DNALI1: variants seen among roughly 807,000 people sequenced by gnomAD.
The protein encoded by DNALI1 is dynein axonemal light intermediate chain 1.
DNALI1 carries 31 observed loss-of-function variants against 33.9 expected under a neutral mutation model. The ratio of observed to expected loss-of-function variants is 0.91; its 90% CI spans 0.69 to 1.23. The LOEUF (loss-of-function observed/expected upper bound fraction) is 1.23. Among genes scored for constraint, DNALI1 ranks in the 50% most tolerant of loss-of-function variants. The pLI, the probability that DNALI1 is intolerant of heterozygous loss-of-function variation, is 0.00. For missense variants in DNALI1, 305 were observed against 323.8 expected, an observed-to-expected ratio of 0.94 and a Z score of 0.44; for synonymous variants, 117 against 129.2, an observed-to-expected ratio of 0.91 and a Z score of 0.64.
rs41267319 is a variant in DNALI1, at chr1:37,566,480, C to A, written c.*1419C>A. 0.052 allele frequency: 9,068 copies of A among 174,220 alleles called. 336 individuals carry two copies. The highest frequency in any genetic ancestry group is 0.076 in the Non-Finnish European group (6,327 of 82,942). The allele number at this position is 174,220 out of a possible 1,614,324, so 10.8% of individuals were successfully genotyped here. A position where few individuals can be genotyped will look rare whatever the true frequency, so the allele number is the denominator to read the frequency against. ...TTCTCCTTGTATTTCAAAGGCCAGG[C>A]CATGTACACTAACGTCCTTGAAATT... On this transcript the variant is annotated 3_prime_UTR_variant, in exon 6 of 6. Coordinates refer to ENST00000652629, the MANE Select transcript of DNALI1 (RefSeq NM_003462.5).
In DNALI1 at chr1:37,562,390, G is replaced by A. The variant is rs1570040392; in HGVS notation, c.741+145G>A. 7 of 1,126,680 alleles carry A rather than the reference G, an allele frequency of 6.2e-6. No individual in the cohort carries two copies. The East Asian group carries it at 1.6e-4, about 25-fold the overall frequency. 69.8% of individuals were successfully genotyped at this position (1,126,680 alleles called of 1,614,324 possible). On this transcript the variant is annotated intron_variant, in intron 5 of 5. Coordinates refer to ENST00000652629, the MANE Select transcript of DNALI1 (RefSeq NM_003462.5). The surrounding 1 kb of genome is among the most constrained non-coding windows in gnomAD (Gnocchi z 5.8). Reference sequence around the variant, plus strand: ...ATAAAGGAAGCTGACTTTGGTGGTGGGAGAAGGGGAGGGCTCCAGAGGGGG... The same window carrying A: ...ATAAAGGAAGCTGACTTTGGTGGTGAGAGAAGGGGAGGGCTCCAGAGGGGG...
chr1:37,558,994 G>A (rs979793202), intron 2 of DNALI1, among the ~76,000 whole-genome samples: 52 of 152,188 alleles, frequency 3.4e-4, no homozygotes, highest in African/African-American at 1.2e-3. Context: ...TAAGTTGGTG[G>A]GTAGTTCCTA....
In DNALI1 at chr1:37,562,282, G is replaced by T. The variant is rs780891234; in HGVS notation, c.741+37G>T. 2 of 1,589,430 alleles carry T rather than the reference G, an allele frequency of 1.3e-6. No homozygotes were observed. The highest frequency in any genetic ancestry group is 1.7e-6 in the Non-Finnish European group (2 of 1,168,056). ...GCAGGGTGGGGTGGAGGTGCCCCCTGCCCTGCGACCCAGCCCCACAGGCCA... is the reference window on the plus strand; with the variant it reads ...GCAGGGTGGGGTGGAGGTGCCCCCTTCCCTGCGACCCAGCCCCACAGGCCA... On this transcript the variant is annotated intron_variant, in intron 5 of 5. Coordinates refer to ENST00000652629, the MANE Select transcript of DNALI1 (RefSeq NM_003462.5). The surrounding 1 kb of genome is among the most constrained non-coding windows in gnomAD (Gnocchi z 5.8).
rs558543758 is a variant in DNALI1 at position 37,561,920 on chromosome 1, CAG to C, written c.577-158_577-157del. ...ATGATGGCCAGCCTGGTGGTCTTGG[CAG>C]AGTTGTTTCCGCTGTAGACGCTCCA... On this transcript the variant is annotated intron_variant, in intron 4 of 5. Coordinates refer to ENST00000652629, the MANE Select transcript of DNALI1 (RefSeq NM_003462.5). This position sits in a 1 kb window ranked among gnomAD's most constrained non-coding sequence, Gnocchi z 4.6. 52 of 1,372,932 alleles carry C rather than the reference CAG, an allele frequency of 3.8e-5. No individual in the cohort carries two copies. In the South Asian group the frequency reaches 5.3e-4, roughly 14 times the overall value. 85.0% of individuals were successfully genotyped at this position (1,372,932 alleles called of 1,614,324 possible).
intron 5 of DNALI1, among the ~76,000 whole-genome samples, chr1:37,563,650 C>T (rs1643465528): frequency 6.6e-6 from 1 of 152,046 alleles, no homozygotes; most frequent in African/African-American, 2.4e-5. Context: ...GCCAGCACGC[C>T]CGGCAAATTT....
rs1246241307 is a variant in DNALI1 at position 37,566,751 on chromosome 1, C to A, written c.*1690C>A. ...TGGTGAAGGGCTTCAACTGTCAAACCTCAGAACAAATGCATTAGGGCCTTA... is the reference window on the plus strand; with the variant it reads ...TGGTGAAGGGCTTCAACTGTCAAACATCAGAACAAATGCATTAGGGCCTTA... On this transcript the variant is annotated 3_prime_UTR_variant, in exon 6 of 6. Transcript: ENST00000652629. 1.9e-6 allele frequency: 2 copies of A among 1,078,632 alleles called. No homozygotes were observed. The highest frequency in any genetic ancestry group is 2.7e-6 in the Non-Finnish European group (2 of 727,740). 66.8% of individuals were successfully genotyped at this position (1,078,632 alleles called of 1,614,324 possible). A position where few individuals can be genotyped will look rare whatever the true frequency, so the allele number is the denominator to read the frequency against.
In DNALI1 at chr1:37,561,916, T is replaced by C. The variant is rs1199635170; in HGVS notation, c.577-165T>C. 5.9e-6 allele frequency: 8 copies of C among 1,361,620 alleles called. No individual in the cohort carries two copies. In the East Asian group the frequency reaches 1.9e-4, roughly 33 times the overall value. The allele number at this position is 1,361,620 out of a possible 1,614,324, so 84.3% of individuals were successfully genotyped here. A position where few individuals can be genotyped will look rare whatever the true frequency, so the allele number is the denominator to read the frequency against. ...GAGTATGATGGCCAGCCTGGTGGTCTTGGCAGAGTTGTTTCCGCTGTAGAC... is the reference window on the plus strand; with the variant it reads ...GAGTATGATGGCCAGCCTGGTGGTCCTGGCAGAGTTGTTTCCGCTGTAGAC... On this transcript the variant is annotated intron_variant, in intron 4 of 5. Coordinates refer to ENST00000652629, the MANE Select transcript of DNALI1 (RefSeq NM_003462.5). The surrounding 1 kb of genome is among the most constrained non-coding windows in gnomAD (Gnocchi z 4.6).
Position 37,557,919 on chromosome 1 carries a change from C to T in DNALI1, c.227+171C>T, listed in dbSNP as rs1343488163. On this transcript the variant is annotated intron_variant, in intron 2 of 5. Coordinates refer to ENST00000652629, the MANE Select transcript of DNALI1 (RefSeq NM_003462.5). ...ATCCTGGCAGGGTGGTGGGAGACCT[C>T]TTCTCAATCTACCCTCATTTCCTGC... 4.8e-6 allele frequency: 4 copies of T among 830,622 alleles called. No individual in the cohort carries two copies. In the African/African-American group the frequency reaches 5.2e-5, roughly 11 times the overall value. 51.5% of individuals were successfully genotyped at this position (830,622 alleles called of 1,614,324 possible).
chr1:37,562,118 G>A lies in DNALI1; in HGVS notation c.614G>A (p.Arg205Lys), dbSNP rs1432695407. Residue 205 changes from arginine (R) to lysine (K), a missense_variant, in exon 5 of 6, where the codon AGG (arginine) becomes AAG (lysine). Transcript: ENST00000652629. This position sits in a 1 kb window ranked among gnomAD's most constrained non-coding sequence, Gnocchi z 5.8. ...GAGACGGAAAAGAGAGACCTGGAGA[G>A]GCAAGTGAACGAGCAGAAGGCAAAA... ...ELETEKRDLE[R>K]QVNEQKAKCE... The A allele has an allele frequency of 6.2e-7, 1 of 1,614,138 alleles. No homozygotes were observed. The highest frequency in any genetic ancestry group is 1.7e-5 in the Admixed American group (1 of 60,024).
Position 37,562,098 on chromosome 1 carries a change from G to T in DNALI1, c.594G>T (p.Thr198=). The T allele has an allele frequency of 6.2e-7, 1 of 1,614,000 alleles. No individual in the cohort carries two copies. Among genetic ancestry groups the T allele is most frequent in the Non-Finnish European group, 8.5e-7 (1 of 1,179,970 alleles). ...CTCCTCAGATCGCAGAATTGGAGAC[G>T]GAAAAGAGAGACCTGGAGAGGCAAG... ...DMERKIAELE[T]EKRDLERQVN... Residue 198 remains threonine (T), a synonymous_variant, in exon 5 of 6, where the codon ACG becomes ACT. Coordinates refer to ENST00000652629, the MANE Select transcript of DNALI1 (RefSeq NM_003462.5). The surrounding 1 kb of genome is among the most constrained non-coding windows in gnomAD (Gnocchi z 5.8).
At chr1:37,558,399 A>G (rs1643398086) in intron 2 of DNALI1, among the ~76,000 whole-genome samples, 1 of 152,150 alleles carries the variant, frequency 6.6e-6, no homozygotes, top group Non-Finnish European at 1.5e-5. Flanking sequence ...TCTATCCTCC[A>G]TACAGCCCCT....
In DNALI1 at chr1:37,556,951, A is replaced by T. The variant is rs982892705; in HGVS notation, c.-44A>T. 6.2e-7 allele frequency: 1 copy of T among 1,614,244 alleles called. No homozygotes were observed. Among genetic ancestry groups the T allele is most frequent in the South Asian group, 1.1e-5 (1 of 91,092 alleles). The stretch of plus-strand genomic sequence containing the variant: ...TCCATGGTGACGGCAAACAAGGCCC[A>T]CACTGGACAGGGCAGCTGCTGGGTT... On this transcript the variant is annotated 5_prime_UTR_variant, in exon 1 of 6. Transcript: ENST00000652629.
Position 37,559,488 on chromosome 1 carries a change from A to G in DNALI1, c.389A>G (p.Gln130Arg), listed in dbSNP as rs1472467437. The change falls in exon 3 of 6, where the codon CAG (glutamine) becomes CGG (arginine). Residue 130 changes from glutamine (Q) to arginine (R), a missense_variant. Transcript: ENST00000652629. This position sits in a 1 kb window ranked among gnomAD's most constrained non-coding sequence, Gnocchi z 5.3. ...ICPVRRELYS[Q>R]CFDELIREVT... ...CCTGTCCGCAGGGAACTCTACTCAC[A>G]GTGTTTTGGTGAGTGAGCCAGGTGA... 3.7e-6 allele frequency: 6 copies of G among 1,607,582 alleles called. No individual in the cohort carries two copies. Among genetic ancestry groups the G allele is most frequent in the Non-Finnish European group, 5.1e-6 (6 of 1,176,862 alleles).
At position 37,557,727 on chromosome 1, in the gene DNALI1, T is replaced by A. The variant is rs1390407287; in HGVS notation, c.206T>A (p.Leu69Ter). ...CCTACAAAGCAGGCAGAAGAAATCT[T>A]GAATGCCATACTACCCCCAAGGTAA... ...PDPTKQAEEI[L>*]NAILPPREWV... Residue 69 changes from leucine (L) to a stop codon, truncating the protein, a stop_gained, in exon 2 of 6, where the codon TTG (leucine) becomes TAG (stop). Transcript: ENST00000652629. LOFTEE classifies it high-confidence loss of function. 1.2e-6 allele frequency: 2 copies of A among 1,613,628 alleles called. No individual in the cohort carries two copies. The highest frequency in any genetic ancestry group is 1.7e-6 in the Non-Finnish European group (2 of 1,179,860).
rs1220567998 is a variant in DNALI1, at chr1:37,561,829, A to G, written c.576+94A>G. 1 of 1,493,238 alleles carries G rather than the reference A, an allele frequency of 6.7e-7. No homozygotes were observed. The highest frequency in any genetic ancestry group is 2.4e-5 in the East Asian group (1 of 41,424). The allele number at this position is 1,493,238 out of a possible 1,614,324, so 92.5% of individuals were successfully genotyped here. On this transcript the variant is annotated intron_variant, in intron 4 of 5. Coordinates refer to ENST00000652629, the MANE Select transcript of DNALI1 (RefSeq NM_003462.5). The surrounding 1 kb of genome is among the most constrained non-coding windows in gnomAD (Gnocchi z 4.6). ...TCCAGCACTACATTCTGACCTCCTAAGGTGCTCTGCTGACAGTCACGACAC... is the reference window on the plus strand; with the variant it reads ...TCCAGCACTACATTCTGACCTCCTAGGGTGCTCTGCTGACAGTCACGACAC...
At chr1:37,557,575 C>A (rs777318339) in intron 1 of DNALI1, 28 bp from the exon 2 acceptor site, 2 of 1,600,620 alleles carry the variant, frequency 1.2e-6, no homozygotes, top group Non-Finnish European at 1.7e-6. Flanking sequence ...TGAACAATTT[C>A]CTGCCCTCAC....
intron 5 of DNALI1, among the ~76,000 whole-genome samples, chr1:37,564,440 T>C (rs1643476066): frequency 6.6e-6 from 1 of 151,906 alleles, no homozygotes; most frequent in South Asian, 2.1e-4. Flanking sequence ...TGGAGTGCAG[T>C]GGCACGATCT....
At position 37,559,177 on chromosome 1, in the gene DNALI1, T is replaced by A; in HGVS notation, c.228-150T>A. On this transcript the variant is annotated intron_variant, in intron 2 of 5. Transcript: ENST00000652629. This position sits in a 1 kb window ranked among gnomAD's most constrained non-coding sequence, Gnocchi z 5.3. ...GCATAGTGGGTGTGGCTTTGGAGCC[T>A]CACACCCCAAGGGATGGAGGATTCT... 1.3e-6 allele frequency: 1 copy of A among 766,846 alleles called. No homozygotes were observed. Among genetic ancestry groups the A allele is most frequent in the Non-Finnish European group, 2.0e-6 (1 of 498,086 alleles). 47.5% of individuals were successfully genotyped at this position (766,846 alleles called of 1,614,324 possible). A position where few individuals can be genotyped will look rare whatever the true frequency, so the allele number is the denominator to read the frequency against.
chr1:37,560,605 T>C (rs1330280542), intron 3 of DNALI1: 1 of 152,176 alleles, frequency 6.6e-6, no homozygotes, highest in Non-Finnish European at 1.5e-5. Flanking sequence ...TGGAGTTTCT[T>C]GTGTCTTTCT....
Sources: gnomAD v4.1 joint callset for allele counts (sites outside exome capture counted in the v4.1 genomes callset) on GRCh38, gnomAD v4.1.1 for gene constraint, Gnocchi (gnomAD v3.1) non-coding constraint, MANE v1.5 for transcripts, NCBI Gene and HGNC (gene_info 2026-07-23, HGNC 2026-07-21) for gene names.